The following ACTR3 variants were observed in gnomAD, a reference collection of about 807,000 sequenced individuals.
ACTR3 encodes the protein actin related protein 3, also known as actin-related protein 3.
A neutral mutation model predicts 56.8 loss-of-function variants in ACTR3; 12 were observed. That is an observed-to-expected ratio of 0.21 (90% confidence interval 0.14 to 0.34). The LOEUF is 0.34. ACTR3 is among the 10% of genes least tolerant of loss of function. The probability of loss-of-function intolerance (pLI) is 1.00; values close to 1 mark genes in which losing one functional copy is unlikely to be tolerated. For synonymous variants in ACTR3, 162 were observed against 167.4 expected, an observed-to-expected ratio of 0.97 and a Z score of 0.25; for missense variants, 282 against 512.5, an observed-to-expected ratio of 0.55 and a Z score of 4.34.
intron 11 of ACTR3, among the ~76,000 whole-genome samples, chr2:113,955,963 T>C (rs1680203882): frequency 6.6e-6 from 1 of 152,148 alleles, no homozygotes; most frequent in African/African-American, 2.4e-5. Context: ...GCTAGGTTAC[T>C]CTTGAACTCC....
At chr2:113,907,976 C>CCAA (rs1491511408) in intron 1 of ACTR3, among the ~76,000 whole-genome samples, 1 of 69,078 alleles carries the variant, frequency 1.4e-5, no homozygotes, top group Non-Finnish European at 2.9e-5. Flanking sequence ...CTCTGTCCCC[C>CCAA]AAAAAAAAAA....
intron 1 of ACTR3, among the ~76,000 whole-genome samples, chr2:113,901,707 T>C (rs57183251): frequency 0.011 from 1,601 of 152,330 alleles, 36 homozygotes; most frequent in African/African-American, 0.037. Flanking sequence ...TGTTATATCA[T>C]TTCATTTGTT....
rs1234013855 is a variant in ACTR3 at position 113,958,691 on chromosome 2, T to A, written c.*1236T>A. 6.6e-6 allele frequency: 1 copy of A among 152,036 alleles called. No individual in the cohort carries two copies. The highest frequency in any genetic ancestry group is 1.5e-5 in the Non-Finnish European group (1 of 67,916). The allele number at this position is 152,036 out of a possible 1,614,324, so 9.4% of individuals were successfully genotyped here. On this transcript the variant is annotated 3_prime_UTR_variant, in exon 12 of 12. Transcript: ENST00000263238. ...GATTTGGGAGTTATTGAAATCTCTG[T>A]AATGTGTATGGTAGAAAATTTCTTG...
chr2:113,937,267 C>T (rs1340030421), intron 6 of ACTR3, among the ~76,000 whole-genome samples: 1 of 152,172 alleles, frequency 6.6e-6, no homozygotes, highest in African/African-American at 2.4e-5. Context: ...CCACACCCAG[C>T]TAATTTTTTT....
chr2:113,924,254 T>C (rs1679575468), intron 3 of ACTR3, among the ~76,000 whole-genome samples: 1 of 151,832 alleles, frequency 6.6e-6, no homozygotes, highest in African/African-American at 2.4e-5. Context: ...TTTTTTTTTT[T>C]TTTGTAGAGA....
At chr2:113,914,352 C>A (rs575436843) in intron 2 of ACTR3, among the ~76,000 whole-genome samples, 28 of 152,124 alleles carry the variant, frequency 1.8e-4, no homozygotes, top group Non-Finnish European at 4.0e-4. Flanking sequence ...GTGGCTCACG[C>A]CTGTAATCCC....
In ACTR3 at chr2:113,959,252, A is replaced by C. The variant is rs1450908263; in HGVS notation, c.*1797A>C. The C allele has an allele frequency of 1.3e-5, 2 of 151,906 alleles. No homozygotes were observed. Among genetic ancestry groups the C allele is most frequent in the Non-Finnish European group, 2.9e-5 (2 of 67,884 alleles). 9.4% of individuals were successfully genotyped at this position (151,906 alleles called of 1,614,324 possible). A position where few individuals can be genotyped will look rare whatever the true frequency, so the allele number is the denominator to read the frequency against. ...AGGTAGAAATAAATGTAGCTTTCTT[A>C]TTTTACACAAATAGGAACTTACTGT... On this transcript the variant is annotated 3_prime_UTR_variant, in exon 12 of 12. Coordinates refer to ENST00000263238, the MANE Select transcript of ACTR3 (RefSeq NM_005721.5).
chr2:113,940,554 AAAC>A (rs1679905276), intron 7 of ACTR3, among the ~76,000 whole-genome samples: 1 of 152,136 alleles, frequency 6.6e-6, no homozygotes, highest in Admixed American at 6.5e-5. Flanking sequence ...CATAGAAGAA[AAAC>A]ATGAAGGCTA....
chr2:113,913,670 A>G (rs935432264), intron 2 of ACTR3, among the ~76,000 whole-genome samples: 1 of 152,210 alleles, frequency 6.6e-6, no homozygotes, highest in Non-Finnish European at 1.5e-5. Flanking sequence ...GGATGGAAGG[A>G]CAATATCTCA....
At chr2:113,947,658 A>G (rs930748606) in intron 8 of ACTR3, among the ~76,000 whole-genome samples, 1 of 152,204 alleles carries the variant, frequency 6.6e-6, no homozygotes, top group African/African-American at 2.4e-5. Flanking sequence ...TGTCTCATAA[A>G]TAAATAACCC....
chr2:113,935,756 ATAT>A (rs1176118224), intron 6 of ACTR3, among the ~76,000 whole-genome samples: 1 of 152,132 alleles, frequency 6.6e-6, no homozygotes, highest in Non-Finnish European at 1.5e-5. Flanking sequence ...TCTGTGATAA[ATAT>A]TATATTTTTC....
rs777584612 is a variant in ACTR3 at position 113,942,398 on chromosome 2, A to G, written c.858+39A>G. 19 of 1,380,030 alleles carry G rather than the reference A, an allele frequency of 1.4e-5. No homozygotes were observed. In the South Asian group the frequency reaches 2.4e-4, roughly 18 times the overall value. The allele number at this position is 1,380,030 out of a possible 1,614,324, so 85.5% of individuals were successfully genotyped here. On this transcript the variant is annotated intron_variant, in intron 8 of 11. Transcript: ENST00000263238. ...ACGGAATTGTTTAAAAGTATTCAGC[A>G]GCAAATATGAATTAATAGATATTCA...
At chr2:113,890,828 G>A in intron 1 of ACTR3, 4 of 986,132 alleles carry the variant, frequency 4.1e-6, no homozygotes, top group Non-Finnish European at 4.8e-6. Context: ...GGTGTGGGTG[G>A]GGAAAGGGAA....
At chr2:113,890,725 G>C in intron 1 of ACTR3, 1 of 1,078,726 alleles carries the variant, frequency 9.3e-7, no homozygotes, top group Non-Finnish European at 1.1e-6. Context: ...GGGACCCAGG[G>C]GCCGAGCTCG....
intron 5 of ACTR3, 21 bp downstream of exon 5, chr2:113,931,417 T>G (rs1288041037): frequency 1.4e-6 from 2 of 1,480,570 alleles, no homozygotes; most frequent in Non-Finnish European, 1.8e-6. Flanking sequence ...TCATACTTTC[T>G]AAGTTTGATT....
At chr2:113,893,182 C>G (rs1678939099) in intron 1 of ACTR3, among the ~76,000 whole-genome samples, 1 of 150,656 alleles carries the variant, frequency 6.6e-6, no homozygotes, top group Non-Finnish European at 1.5e-5. Context: ...CATTCACAAA[C>G]ATTTTTTAAA....
intron 10 of ACTR3, chr2:113,953,099 T>A (rs1453357328): frequency 1.3e-5 from 2 of 152,238 alleles, no homozygotes; most frequent in African/African-American, 4.8e-5. Flanking sequence ...TTAAAGTAGC[T>A]GTTTAGTTTT....
chr2:113,923,840 A>ACC (rs1040006832), intron 3 of ACTR3, among the ~76,000 whole-genome samples: 1 of 150,550 alleles, frequency 6.6e-6, no homozygotes, highest in Admixed American at 6.6e-5. Flanking sequence ...GCAACCACAG[A>ACC]CCAGATCTCT....
At chr2:113,901,183 T>C (rs1679092197) in intron 1 of ACTR3, among the ~76,000 whole-genome samples, 3 of 152,318 alleles carry the variant, frequency 2.0e-5, no homozygotes, top group Admixed American at 6.5e-5. Flanking sequence ...CTGGGCGTGG[T>C]GGCGTGTGCC....
Sources: allele counts gnomAD v4.1 joint callset (sites outside exome capture counted in the v4.1 genomes callset), GRCh38; gene constraint gnomAD v4.1.1; transcripts MANE v1.5; gene names NCBI Gene and HGNC (gene_info 2026-07-23, HGNC 2026-07-21).